Variants in CAMK1D observed in about 807,000 individuals in gnomAD.
CAMK1D encodes the protein calcium/calmodulin dependent protein kinase ID, also known as calcium/calmodulin-dependent protein kinase type 1D.
Under a neutral mutation model 47.7 loss-of-function variants are expected in CAMK1D, and 9 were observed. The observed-to-expected ratio is 0.19, with a 90% confidence interval of 0.11 to 0.33. The LOEUF is 0.33. Ranked by LOEUF, CAMK1D falls within the 10% of genes least tolerant of loss-of-function variation. The probability of loss-of-function intolerance (pLI) is 1.00; values close to 1 mark genes in which losing one functional copy is unlikely to be tolerated. For synonymous variants in CAMK1D, 184 were observed against 184.9 expected, an observed-to-expected ratio of 0.99 and a Z score of 0.04; for missense variants, 291 against 488.7, an observed-to-expected ratio of 0.60 and a Z score of 3.81.
intron 1 of CAMK1D, among the ~76,000 whole-genome samples, chr10:12,388,105 T>C (rs7078919): frequency 0.24 from 37,184 of 151,888 alleles, 4,688 homozygotes; most frequent in South Asian, 0.31. Context: ...TGGGATCGTC[T>C]CCAGAAATGC....
At chr10:12,689,794 G>C (rs1349444058) in intron 3 of CAMK1D, among the ~76,000 whole-genome samples, 2 of 151,678 alleles carry the variant, frequency 1.3e-5, no homozygotes, top group African/African-American at 2.4e-5. Flanking sequence ...AAAAAGAAAT[G>C]GTTTGAACTG....
At chr10:12,787,683 G>A (rs1160839155) in intron 5 of CAMK1D, among the ~76,000 whole-genome samples, 3 of 152,164 alleles carry the variant, frequency 2.0e-5, no homozygotes, top group African/African-American at 4.8e-5. Context: ...CTTTACCCCC[G>A]CGTTTGTTTC....
chr10:12,587,992 C>G (rs1418990270), intron 2 of CAMK1D, among the ~76,000 whole-genome samples: 2 of 152,020 alleles, frequency 1.3e-5, no homozygotes, highest in African/African-American at 2.4e-5. Flanking sequence ...TATGTACATG[C>G]AGCTTTGTGG....
Position 12,659,960 on chromosome 10 carries a change from G to T in CAMK1D, c.225-6776G>T, listed in dbSNP as rs187225398. 1.7e-4 allele frequency among the ~76,000 whole-genome samples: 26 copies of T among 152,278 alleles called. No individual in the cohort carries two copies. In the East Asian group the frequency reaches 3.9e-3, roughly 23 times the overall value. ...CGTAACTTTCTCCTTGCACATTGCA[G>T]GGCAATCTGTGCCTCGCTATCCCCA... On this transcript the variant is annotated intron_variant, in intron 2 of 10. Coordinates refer to ENST00000619168, the MANE Select transcript of CAMK1D (RefSeq NM_153498.4).
chr10:12,389,841 T>G (rs1838659237), intron 1 of CAMK1D, among the ~76,000 whole-genome samples: 1 of 152,056 alleles, frequency 6.6e-6, no homozygotes, highest in African/African-American at 2.4e-5. Context: ...ATTTGATTTT[T>G]TTTTTTTGAT....
chr10:12,536,924 T>C (rs2478975), intron 1 of CAMK1D, among the ~76,000 whole-genome samples: 1,990 of 152,312 alleles, frequency 0.013, 43 homozygotes, highest in African/African-American at 0.045. Context: ...GATATTTACA[T>C]ATGGGATATT....
chr10:12,667,942 A>G (rs528919695), intron 3 of CAMK1D, among the ~76,000 whole-genome samples: 3 of 152,372 alleles, frequency 2.0e-5, no homozygotes, highest in Non-Finnish European at 4.4e-5. Flanking sequence ...TGCCAGAAGC[A>G]TATGTATGAT....
chr10:12,701,500 A>G lies in CAMK1D; in HGVS notation c.299+34690A>G, dbSNP rs1244525066. 2.6e-5 allele frequency among the ~76,000 whole-genome samples: 4 copies of G among 151,986 alleles called. No individual in the cohort carries two copies. The South Asian group carries it at 6.2e-4, about 24-fold the overall frequency. On this transcript the variant is annotated intron_variant, in intron 3 of 10. Transcript: ENST00000619168. ...CTGGGGATGGGGAGGACGAAGGTCT[A>G]CCCCAGCCCTCTCTGGCCACAGAGG...
rs543360271 is a variant in CAMK1D, at chr10:12,678,926, C to A, written c.299+12116C>A. Among the ~76,000 whole-genome samples the A allele has an allele frequency of 5.3e-5, 8 of 152,164 alleles. No homozygotes were observed. The South Asian group carries it at 1.2e-3, about 24-fold the overall frequency. On this transcript the variant is annotated intron_variant, in intron 3 of 10. Transcript: ENST00000619168. ...TACAAGCATGCACCATCATGCCCAGCTAATTTTTGTATTTTTAGTAGAGAC... is the reference window on the plus strand; with the variant it reads ...TACAAGCATGCACCATCATGCCCAGATAATTTTTGTATTTTTAGTAGAGAC...
chr10:12,822,933 A>G (rs977143841), intron 8 of CAMK1D, among the ~76,000 whole-genome samples: 1 of 152,272 alleles, frequency 6.6e-6, no homozygotes, highest in Non-Finnish European at 1.5e-5. Context: ...TGCTTGAGAT[A>G]TTTCCTGCAC....
intron 1 of CAMK1D, among the ~76,000 whole-genome samples, chr10:12,403,988 AAAAAAAAG>A (rs909577833): frequency 6.6e-6 from 1 of 151,250 alleles, no homozygotes; most frequent in Non-Finnish European, 1.5e-5. Context: ...TTTTGGAAAA[AAAAAAAAG>A]AAAAAAGATA....
chr10:12,506,813 C>T (rs538208636), intron 1 of CAMK1D, among the ~76,000 whole-genome samples: 8 of 152,352 alleles, frequency 5.3e-5, no homozygotes, highest in Non-Finnish European at 8.8e-5. Flanking sequence ...CCACCGCGCC[C>T]GGCCTGGGCT....
intron 6 of CAMK1D, among the ~76,000 whole-genome samples, chr10:12,801,329 CTATCTATCTATCTATCTATCTATCT>C (rs1209026026): frequency 3.2e-4 from 37 of 116,698 alleles, no homozygotes; most frequent in African/African-American, 9.6e-4. Flanking sequence ...ATCTATCTAT[CTATCTATCTATCTATCTATCTATCT>C]TATCTATCTA....
chr10:12,570,680 CA>C (rs35160242), intron 2 of CAMK1D, among the ~76,000 whole-genome samples: 5,792 of 84,494 alleles, frequency 0.069, 173 homozygotes, highest in African/African-American at 0.14. Flanking sequence ...AACTCCATCT[CA>C]AAAAAAAAAA....
chr10:12,670,239 A>G (rs1840571183), intron 3 of CAMK1D, among the ~76,000 whole-genome samples: 1 of 150,330 alleles, frequency 6.7e-6, no homozygotes, highest in Admixed American at 6.7e-5. Flanking sequence ...TAGTGATATC[A>G]CAGGGTGGTT....
At chr10:12,582,769 ATTT>A (rs1564426682) in intron 2 of CAMK1D, among the ~76,000 whole-genome samples, 1 of 152,142 alleles carries the variant, frequency 6.6e-6, no homozygotes, top group Admixed American at 6.5e-5. Flanking sequence ...GTGCTTTTTA[ATTT>A]TAAGTCCTTG....
intron 2 of CAMK1D, among the ~76,000 whole-genome samples, chr10:12,665,019 G>A (rs2132547620): frequency 6.6e-6 from 1 of 152,324 alleles, no homozygotes; most frequent in East Asian, 1.9e-4. Flanking sequence ...TAATGATAAT[G>A]CCGTGATTTG....
At chr10:12,565,814 T>C (rs549555301) in intron 2 of CAMK1D, among the ~76,000 whole-genome samples, 3 of 152,154 alleles carry the variant, frequency 2.0e-5, no homozygotes, top group South Asian at 2.1e-4. Flanking sequence ...TGTGTGTCTC[T>C]TTCCAATATG....
At chr10:12,801,354 T>TATCTTATCTATCTATCTATCTATCTATC (rs57429397) in intron 6 of CAMK1D, among the ~76,000 whole-genome samples, 107 of 66,498 alleles carry the variant, frequency 1.6e-3, no homozygotes, top group East Asian at 2.0e-3. Context: ...TCTATCTATC[T>TATCTTATCTATCTATCTATCTATCTATC]TATCTATCTA....
Sources: gnomAD v4.1 joint callset for allele counts (sites outside exome capture counted in the v4.1 genomes callset) on GRCh38, gnomAD v4.1.1 for gene constraint, MANE v1.5 for transcripts, NCBI Gene and HGNC (gene_info 2026-07-23, HGNC 2026-07-21) for gene names.